Variants in BICD1 observed in about 807,000 individuals in gnomAD.
BICD1 encodes BICD cargo adaptor 1.
In BICD1, 35 loss-of-function variants were observed where a neutral mutation model predicts 92.5. That is an observed-to-expected ratio of 0.38 (90% CI 0.29 to 0.50). The LOEUF (loss-of-function observed/expected upper bound fraction) is 0.50, where lower values mean the gene tolerates loss of function less well. Ranked by LOEUF, BICD1 falls within the 20% of genes least tolerant of loss-of-function variation. The pLI is 0.93. For synonymous variants in BICD1, 429 were observed against 465.1 expected, an observed-to-expected ratio of 0.92 and a Z score of 1.00; for missense variants, 950 against 1,189.8, an observed-to-expected ratio of 0.80 and a Z score of 2.97.
At chr12:32,200,321 C>T (rs1224870926) in intron 1 of BICD1, among the ~76,000 whole-genome samples, 1 of 152,216 alleles carries the variant, frequency 6.6e-6, no homozygotes, top group Non-Finnish European at 1.5e-5. Flanking sequence ...GTGTAGGCAA[C>T]TCACAGTCCC....
chr12:32,224,001 T>C (rs1945612746), intron 2 of BICD1, among the ~76,000 whole-genome samples: 1 of 152,208 alleles, frequency 6.6e-6, no homozygotes, highest in Non-Finnish European at 1.5e-5. Flanking sequence ...GCTTGAAATA[T>C]TGCAAGAATT....
At chr12:32,214,923 C>T (rs1487205419) in intron 1 of BICD1, among the ~76,000 whole-genome samples, 1 of 151,878 alleles carries the variant, frequency 6.6e-6, no homozygotes, top group African/African-American at 2.4e-5. Context: ...TTATTGTTCT[C>T]AGAGTCAGAA....
chr12:32,368,638 T>G (rs533638592), intron 9 of BICD1, among the ~76,000 whole-genome samples: 1 of 152,210 alleles, frequency 6.6e-6, no homozygotes, highest in South Asian at 2.1e-4. Context: ...GAGGTTGCAG[T>G]GAGCTGAGCT....
At chr12:32,284,410 A>G (rs1404160632) in intron 2 of BICD1, among the ~76,000 whole-genome samples, 1 of 152,176 alleles carries the variant, frequency 6.6e-6, no homozygotes, top group Non-Finnish European at 1.5e-5. Context: ...TAACAACTCT[A>G]GGTACTTTTA....
intron 2 of BICD1, among the ~76,000 whole-genome samples, chr12:32,287,710 A>C (rs543862103): frequency 6.6e-6 from 1 of 152,000 alleles, no homozygotes; most frequent in East Asian, 1.9e-4. Context: ...TTACTTTTTT[A>C]TATTTTTTAG....
intron 3 of BICD1, among the ~76,000 whole-genome samples, chr12:32,302,608 A>G (rs974017475): frequency 1.3e-5 from 2 of 152,192 alleles, no homozygotes; most frequent in African/African-American, 4.8e-5. Flanking sequence ...TTTTTCCCAA[A>G]GTGCAATTTT....
intron 2 of BICD1, among the ~76,000 whole-genome samples, chr12:32,227,180 G>C (rs1205369117): frequency 1.3e-5 from 2 of 152,254 alleles, no homozygotes. Context: ...ATGGTAACGG[G>C]GAGCACGGCT....
At chr12:32,162,673 G>A (rs1175881732) in intron 1 of BICD1, among the ~76,000 whole-genome samples, 1 of 152,132 alleles carries the variant, frequency 6.6e-6, no homozygotes, top group Non-Finnish European at 1.5e-5. Flanking sequence ...AGGAAACGGA[G>A]ATTCTTTAAT....
At chr12:32,224,916 G>T (rs974700221) in intron 2 of BICD1, among the ~76,000 whole-genome samples, 5 of 152,220 alleles carry the variant, frequency 3.3e-5, no homozygotes, top group African/African-American at 9.7e-5. Context: ...TGGCCAGGCT[G>T]ATCTCGAACT....
intron 8 of BICD1, among the ~76,000 whole-genome samples, chr12:32,365,203 C>G (rs112294108): frequency 3.3e-5 from 5 of 152,156 alleles, no homozygotes; most frequent in South Asian, 2.1e-4. Context: ...TGCCATTGCA[C>G]TCCAGCCTGG....
chr12:32,163,106 C>T lies in BICD1; in HGVS notation c.214-53141C>T, dbSNP rs145296698. On this transcript the variant is annotated intron_variant, in intron 1 of 9. Transcript: ENST00000652176. ...ATCTCTTACACATGTTAAATGATAA[C>T]GCAGGGGTCTTGAGTTCTGAGGATT... 5.3e-5 allele frequency among the ~76,000 whole-genome samples: 8 copies of T among 152,216 alleles called. No individual in the cohort carries two copies. In the East Asian group the frequency reaches 9.6e-4, roughly 18 times the overall value.
chr12:32,215,193 C>G (rs1291042488), intron 1 of BICD1, among the ~76,000 whole-genome samples: 2 of 152,170 alleles, frequency 1.3e-5, no homozygotes, highest in Non-Finnish European at 2.9e-5. Flanking sequence ...CATACCACTG[C>G]ATTCTATCCT....
intron 2 of BICD1, among the ~76,000 whole-genome samples, chr12:32,272,603 A>G (rs1194255380): frequency 6.6e-6 from 1 of 152,112 alleles, no homozygotes; most frequent in Admixed American, 6.6e-5. Context: ...ATTTCTTCAG[A>G]CTGACAATAA....
chr12:32,136,724 T>C (rs1390153360), intron 1 of BICD1, among the ~76,000 whole-genome samples: 1 of 152,118 alleles, frequency 6.6e-6, no homozygotes, highest in African/African-American at 2.4e-5. Context: ...GCTCAGGGTA[T>C]TGACATGCCA....
At chr12:32,225,744 C>T (rs1326899126) in intron 2 of BICD1, among the ~76,000 whole-genome samples, 1 of 149,634 alleles carries the variant, frequency 6.7e-6, no homozygotes, top group Non-Finnish European at 1.5e-5. Context: ...CCTTAGCCTC[C>T]CGAGTAGCTG....
At chr12:32,128,196 A>G (rs1942412950) in intron 1 of BICD1, among the ~76,000 whole-genome samples, 1 of 152,186 alleles carries the variant, frequency 6.6e-6, no homozygotes, top group African/African-American at 2.4e-5. Context: ...GAGCCACCGC[A>G]CCCGGCCTGA....
chr12:32,288,285 G>A (rs1195177573), intron 2 of BICD1, among the ~76,000 whole-genome samples: 1 of 141,920 alleles, frequency 7.0e-6, no homozygotes, highest in Non-Finnish European at 1.5e-5. Flanking sequence ...AGGCTGGAGT[G>A]TAGTGGCATG....
chr12:32,226,257 C>G (rs1945687316), intron 2 of BICD1, among the ~76,000 whole-genome samples: 1 of 152,140 alleles, frequency 6.6e-6, no homozygotes, highest in African/African-American at 2.4e-5. Flanking sequence ...GCCTCAGCCT[C>G]CTGAGTAGCT....
chr12:32,316,457 AT>A (rs949485384), intron 4 of BICD1, among the ~76,000 whole-genome samples: 2 of 150,074 alleles, frequency 1.3e-5, no homozygotes, highest in East Asian at 2.0e-4. Flanking sequence ...CGCCCAGCTA[AT>A]TTTTTTTTAT....
Sources: gnomAD v4.1 joint callset for allele counts (sites outside exome capture counted in the v4.1 genomes callset) on GRCh38, gnomAD v4.1.1 for gene constraint, MANE v1.5 for transcripts, NCBI Gene and HGNC (gene_info 2026-07-23, HGNC 2026-07-21) for gene names.